Variants in DYNC1I1 observed in about 807,000 individuals in gnomAD.
The protein encoded by DYNC1I1 is dynein cytoplasmic 1 intermediate chain 1, also known as cytoplasmic dynein 1 intermediate chain 1.
Under a neutral mutation model 86.6 loss-of-function variants are expected in DYNC1I1, and 43 were observed. The observed-to-expected ratio is 0.50, with a 90% CI of 0.39 to 0.64. The LOEUF is 0.64. Among genes scored for constraint, DYNC1I1 ranks in the 30% least tolerant of loss-of-function variants. DYNC1I1 has a pLI of 0.00. For synonymous variants in DYNC1I1, 262 were observed against 283.7 expected (o/e 0.92, Z 0.77); for missense variants, 604 against 788.8 (o/e 0.77, Z 2.81).
chr7:96,071,660 C>A (rs966152895), intron 14 of DYNC1I1, among the ~76,000 whole-genome samples: 1 of 152,180 alleles, frequency 6.6e-6, no homozygotes, highest in Non-Finnish European at 1.5e-5. Flanking sequence ...TGTACTTTTT[C>A]TAGCTTTCAG....
At chr7:95,825,833 A>G (rs1795191945) in intron 4 of DYNC1I1, among the ~76,000 whole-genome samples, 1 of 152,200 alleles carries the variant, frequency 6.6e-6, no homozygotes, top group Admixed American at 6.5e-5. Context: ...TAGCTCTGTC[A>G]TTCTCCAAAG....
intron 14 of DYNC1I1, among the ~76,000 whole-genome samples, chr7:96,053,775 A>G (rs1789477027): frequency 6.6e-6 from 1 of 152,046 alleles, no homozygotes; most frequent in South Asian, 2.1e-4. Flanking sequence ...TGCTTTGTTC[A>G]TCTTTATCCC....
At position 95,810,450 on chromosome 7, in the gene DYNC1I1, G is replaced by A. The variant is rs1435212532; in HGVS notation, c.167G>A (p.Arg56Gln). 2 of 1,613,078 alleles carry A rather than the reference G, an allele frequency of 1.2e-6. No homozygotes were observed. The highest frequency in any genetic ancestry group is 1.7e-6 in the Non-Finnish European group (2 of 1,179,402). ...GACGACTCTGATCTGGATCGCAAAC[G>A]ACGAGAGACAGAGGCTTTGCTGCAA... is the stretch of plus-strand genomic sequence containing the variant. ...VQDDSDLDRK[R>Q]RETEALLQSI... Residue 56 changes from arginine to glutamine, a missense_variant, in exon 3 of 17, where the codon CGA (arginine) becomes CAA (glutamine). Physicochemically the swap from Arg to Gln is conservative, Grantham distance 43. Transcript: ENST00000447467.
intron 9 of DYNC1I1, among the ~76,000 whole-genome samples, chr7:95,992,489 G>T (rs1377839427): frequency 1.3e-5 from 2 of 152,124 alleles, no homozygotes; most frequent in Non-Finnish European, 2.9e-5. Flanking sequence ...AGGACTCTGG[G>T]TTTCTTTGTC....
chr7:96,098,303 A>G lies in DYNC1I1; in HGVS notation c.*710A>G, dbSNP rs1437488405. ...ATTTTAATGCCTATTATTTCTGGGT[A>G]CTTTAACAATATTTCAAATATCATT... On this transcript the variant is annotated 3_prime_UTR_variant, in exon 17 of 17. Transcript: ENST00000447467. The G allele has an allele frequency of 3.0e-6, 3 of 985,750 alleles. No homozygotes were observed. The highest frequency in any genetic ancestry group is 2.4e-6 in the Non-Finnish European group (2 of 829,954). 61.1% of individuals were successfully genotyped at this position (985,750 alleles called of 1,614,324 possible). A position where few individuals can be genotyped will look rare whatever the true frequency, so the allele number is the denominator to read the frequency against.
At chr7:95,934,825 A>G (rs1244808557) in intron 6 of DYNC1I1, among the ~76,000 whole-genome samples, 1 of 152,162 alleles carries the variant, frequency 6.6e-6, no homozygotes, top group Non-Finnish European at 1.5e-5. Flanking sequence ...AAATAAAAAT[A>G]TAAGAATATA....
intron 6 of DYNC1I1, among the ~76,000 whole-genome samples, chr7:95,927,424 A>G (rs1453547691): frequency 6.6e-6 from 1 of 152,150 alleles, no homozygotes; most frequent in Admixed American, 6.6e-5. Context: ...GGATGGGGTG[A>G]TAGTAGAGGT....
chr7:95,990,124 A>G (rs1204356182), intron 9 of DYNC1I1, among the ~76,000 whole-genome samples: 2 of 152,208 alleles, frequency 1.3e-5, no homozygotes, highest in Admixed American at 6.5e-5. Context: ...TTAACTTTGA[A>G]ATATTTACAA....
chr7:95,999,561 G>A (rs1452346539), intron 10 of DYNC1I1, among the ~76,000 whole-genome samples: 2 of 152,082 alleles, frequency 1.3e-5, no homozygotes, highest in Middle Eastern at 3.2e-3. Context: ...TTCTATAAAG[G>A]GTACAGATGT....
chr7:95,984,782 C>T (rs773904494), intron 7 of DYNC1I1, 33 bp from the exon 8 acceptor site: 3 of 1,547,506 alleles, frequency 1.9e-6, no homozygotes, highest in Non-Finnish European at 2.6e-6. Context: ...TCTTCCCTAA[C>T]AATCTCTTTT....
intron 6 of DYNC1I1, among the ~76,000 whole-genome samples, chr7:95,944,854 C>T (rs1213940024): frequency 7.8e-6 from 1 of 128,112 alleles, no homozygotes; most frequent in Non-Finnish European, 1.5e-5. Flanking sequence ...AGGGGAACAT[C>T]ACACTCTGGG....
chr7:95,957,533 T>C (rs1792748878), intron 6 of DYNC1I1, among the ~76,000 whole-genome samples: 1 of 152,152 alleles, frequency 6.6e-6, no homozygotes, highest in South Asian at 2.1e-4. Context: ...ACTCCCTTGG[T>C]CTTGTCTGAG....
At chr7:95,998,948 A>G (rs928806211) in intron 10 of DYNC1I1, among the ~76,000 whole-genome samples, 1 of 152,214 alleles carries the variant, frequency 6.6e-6, no homozygotes, top group African/African-American at 2.4e-5. Context: ...TCTGTTATGG[A>G]TAGCAAGGCC....
chr7:95,853,090 T>C (rs1477534653), intron 5 of DYNC1I1, among the ~76,000 whole-genome samples: 1 of 152,228 alleles, frequency 6.6e-6, no homozygotes, highest in Non-Finnish European at 1.5e-5. Flanking sequence ...CCTTCTGTTA[T>C]TGACTTCTAG....
intron 6 of DYNC1I1, among the ~76,000 whole-genome samples, chr7:95,915,637 T>G (rs1791449604): frequency 6.6e-6 from 1 of 152,242 alleles, no homozygotes; most frequent in South Asian, 2.1e-4. Flanking sequence ...TTTTCAGTGC[T>G]ACTGTCTACA....
At chr7:96,016,033 A>G (rs1381948910) in intron 10 of DYNC1I1, among the ~76,000 whole-genome samples, 1 of 152,252 alleles carries the variant, frequency 6.6e-6, no homozygotes, top group East Asian at 1.9e-4. Flanking sequence ...CTAGGCAGAT[A>G]GAAAAAGACA....
chr7:95,997,026 G>A (rs1181030516), intron 10 of DYNC1I1, among the ~76,000 whole-genome samples: 8 of 152,142 alleles, frequency 5.3e-5, no homozygotes, highest in Non-Finnish European at 1.5e-5. Context: ...AGCATTATCA[G>A]ATATAATTTG....
intron 7 of DYNC1I1, among the ~76,000 whole-genome samples, chr7:95,981,014 T>A (rs1417535662): frequency 6.6e-6 from 1 of 152,188 alleles, no homozygotes. Flanking sequence ...ATGGGTTTTA[T>A]TTTTTATCTC....
chr7:95,840,492 G>A (rs1409575203), intron 5 of DYNC1I1, among the ~76,000 whole-genome samples: 1 of 151,974 alleles, frequency 6.6e-6, no homozygotes, highest in Non-Finnish European at 1.5e-5. Context: ...CCTAACTATT[G>A]TGAACATCTT....
Sources: allele counts gnomAD v4.1 joint callset (sites outside exome capture counted in the v4.1 genomes callset), GRCh38; gene constraint gnomAD v4.1.1; transcripts MANE v1.5; gene names NCBI Gene and HGNC (gene_info 2026-07-23, HGNC 2026-07-21).